The following WIPF1 variants were observed in gnomAD, a reference collection of about 807,000 sequenced individuals.
WIPF1 encodes the protein WAS/WASL interacting protein family member 1.
In WIPF1, 13 loss-of-function variants were observed where a neutral mutation model predicts 35.4. That is an observed-to-expected ratio of 0.37 (90% CI 0.24 to 0.58). WIPF1 has a LOEUF of 0.58. WIPF1 is among the 20% of genes least tolerant of loss of function. The pLI, the probability that WIPF1 is intolerant of heterozygous loss-of-function variation, is 0.74. For missense variants in WIPF1, 591 were observed against 667.0 expected, an observed-to-expected ratio of 0.89 and a Z score of 1.25; for synonymous variants, 267 against 266.3, an observed-to-expected ratio of 1.00 and a Z score of -0.02.
At chr2:174,601,389 C>T (rs540009661), upstream of WIPF1, among the ~76,000 whole-genome samples, 1 of 152,240 alleles carries the variant, frequency 6.6e-6, no homozygotes, top group South Asian at 2.1e-4. Flanking sequence ...CCTGGCAGTG[C>T]AGGCAGAGTC....
chr2:174,607,655 CTCTT>C (rs1686214293), intron 1 of WIPF1, among the ~76,000 whole-genome samples: 1 of 152,120 alleles, frequency 6.6e-6, no homozygotes, highest in South Asian at 2.1e-4. Flanking sequence ...CTCCCCCCAT[CTCTT>C]TGCCTTAGGG....
chr2:174,605,346 G>C (rs577084715), intron 1 of WIPF1, among the ~76,000 whole-genome samples: 9 of 152,180 alleles, frequency 5.9e-5, no homozygotes, highest in African/African-American at 2.2e-4. Context: ...GCTAAGGCAG[G>C]AGAATTGCTT....
At chr2:174,575,131 GCTATGACCAGCCTCCAAA>G (rs760444818) in intron 4 of WIPF1, 55 bp downstream of exon 4, 81 of 1,501,754 alleles carry the variant, frequency 5.4e-5, no homozygotes, top group Non-Finnish European at 6.5e-5. Flanking sequence ...AGCCTTAGAG[GCTATGACCAGCCTCCAAA>G]CTGCCAAACT....
chr2:174,667,899 C>G (rs1687926266), intron 1 of WIPF1, among the ~76,000 whole-genome samples: 1 of 152,210 alleles, frequency 6.6e-6, no homozygotes, highest in African/African-American at 2.4e-5. Flanking sequence ...TTCTCTCACC[C>G]CCAAAATGAC....
chr2:174,648,722 T>C (rs969513265), intron 1 of WIPF1, among the ~76,000 whole-genome samples: 2 of 152,096 alleles, frequency 1.3e-5, no homozygotes, highest in Admixed American at 1.3e-4. Context: ...GGAAAATAGG[T>C]TGTGACCAAG....
chr2:174,649,726 GC>G (rs1017465115), intron 1 of WIPF1, among the ~76,000 whole-genome samples: 1 of 152,116 alleles, frequency 6.6e-6, no homozygotes, highest in African/African-American at 2.4e-5. Flanking sequence ...GTTTTCCTGA[GC>G]CTCTCCTGTG....
In WIPF1 at chr2:174,622,365, T is replaced by C. The variant is rs945466065; in HGVS notation, c.-38-36754A>G. Among the ~76,000 whole-genome samples the C allele has an allele frequency of 2.6e-5, 4 of 152,240 alleles. No homozygotes were observed. Among genetic ancestry groups the C allele is most frequent in the African/African-American group, 7.2e-5 (3 of 41,458 alleles). ...TATTTAGTGTCATCCTAAGTAACTA[T>C]ATCCATGAAATCATGAATTTCATAT... On this transcript the variant is annotated intron_variant, in intron 1 of 8. Transcript: ENST00000272746. The surrounding 1 kb of genome is among the most constrained non-coding windows in gnomAD (Gnocchi z 5.1).
chr2:174,624,292 C>T (rs1016210797), intron 1 of WIPF1, among the ~76,000 whole-genome samples: 4 of 152,140 alleles, frequency 2.6e-5, no homozygotes, highest in Admixed American at 6.5e-5. Flanking sequence ...GAAGTCTTCC[C>T]GCAAAATTCA....
At chr2:174,678,756 A>G (rs543717610) in intron 1 of WIPF1, among the ~76,000 whole-genome samples, 1 of 152,390 alleles carries the variant, frequency 6.6e-6, no homozygotes, top group Admixed American at 6.5e-5. Context: ...TTATCTGTCC[A>G]GACAACCTCA....
intron 1 of WIPF1, among the ~76,000 whole-genome samples, chr2:174,629,433 G>A (rs930604008): frequency 1.3e-5 from 2 of 151,898 alleles, no homozygotes; most frequent in African/African-American, 4.8e-5. Context: ...CAGAGACAGG[G>A]CCAGGGAAGG....
chr2:174,602,281 A>G (rs1030433410), upstream of WIPF1, among the ~76,000 whole-genome samples: 2 of 152,212 alleles, frequency 1.3e-5, no homozygotes, highest in Non-Finnish European at 2.9e-5. Context: ...CAGTGTAGAA[A>G]AAGTGCTGAA....
At chr2:174,663,702 G>T (rs557464838) in intron 1 of WIPF1, among the ~76,000 whole-genome samples, 42 of 152,366 alleles carry the variant, frequency 2.8e-4, no homozygotes, top group African/African-American at 9.9e-4. Flanking sequence ...GAACACGCAT[G>T]CAGGTTTTTT....
Position 174,586,041 on chromosome 2 carries a change from C to T in WIPF1, c.-38-430G>A, listed in dbSNP as rs571815612. On this transcript the variant is annotated intron_variant, in intron 1 of 7. Coordinates refer to ENST00000679041, the MANE Select transcript of WIPF1 (RefSeq NM_001375834.1). ...TCCCACCCCCTCTGGCTTTCTCCTC[C>T]CATTCTTCCTGACATTCGCCAAGTC... is the stretch of plus-strand genomic sequence containing the variant. 4.1e-4 allele frequency among the ~76,000 whole-genome samples: 62 copies of T among 152,318 alleles called. No homozygotes were observed. In the South Asian group the frequency reaches 9.5e-3, roughly 23 times the overall value.
chr2:174,622,693 C>T lies in WIPF1; in HGVS notation c.-38-37082G>A, dbSNP rs1259660167. Among the ~76,000 whole-genome samples, 1 of 152,224 alleles carries T rather than the reference C, an allele frequency of 6.6e-6. No homozygotes were observed. The highest frequency in any genetic ancestry group is 1.5e-5 in the Non-Finnish European group (1 of 68,042). On this transcript the variant is annotated intron_variant, in intron 1 of 8. Transcript: ENST00000272746. This position sits in a 1 kb window ranked among gnomAD's most constrained non-coding sequence, Gnocchi z 5.1. ...TTGCATTTATTCTGGCTGATTAGCA[C>T]TTGTGTCTGCCCCGCGGTCAGAAAT... is the stretch of plus-strand genomic sequence containing the variant.
chr2:174,575,642 G>A (rs1685035051), intron 3 of WIPF1, among the ~76,000 whole-genome samples: 2 of 152,214 alleles, frequency 1.3e-5, no homozygotes. Flanking sequence ...TGCCACATGG[G>A]TCAGTATCTG....
chr2:174,616,392 A>G (rs1487174575), intron 1 of WIPF1, among the ~76,000 whole-genome samples: 1 of 151,744 alleles, frequency 6.6e-6, no homozygotes, highest in East Asian at 1.9e-4. Flanking sequence ...GGAGGCCTCG[A>G]CCCCTGCTGG....
intron 1 of WIPF1, among the ~76,000 whole-genome samples, chr2:174,653,741 CAAAAAAAAAAAAAAAA>C (rs1175251483): frequency 1.7e-5 from 1 of 57,842 alleles, no homozygotes; most frequent in South Asian, 5.9e-4. Context: ...GCCTCTGTCT[CAAAAAAAAAAAAAAAA>C]AAAAAGAAAC....
rs900342370 is a variant in WIPF1 at position 174,568,211 on chromosome 2, G to T, written c.1130-138C>A. The T allele has an allele frequency of 2.7e-6, 3 of 1,107,984 alleles. No individual in the cohort carries two copies. In the Admixed American group the frequency reaches 8.9e-5, roughly 33 times the overall value. 68.6% of individuals were successfully genotyped at this position (1,107,984 alleles called of 1,614,324 possible). A position where few individuals can be genotyped will look rare whatever the true frequency, so the allele number is the denominator to read the frequency against. Reference sequence around the variant, plus strand: ...GTGATTTTCTAGGATATTTGGCTGAGAAATGAGTAAACACACAGAAACACA... The same window carrying T: ...GTGATTTTCTAGGATATTTGGCTGATAAATGAGTAAACACACAGAAACACA... On this transcript the variant is annotated intron_variant, in intron 5 of 7. Coordinates refer to ENST00000679041, the MANE Select transcript of WIPF1 (RefSeq NM_001375834.1).
intron 1 of WIPF1, among the ~76,000 whole-genome samples, chr2:174,587,991 T>C (rs561100102): frequency 3.1e-4 from 47 of 152,314 alleles, no homozygotes; most frequent in Non-Finnish European, 4.1e-4. Flanking sequence ...TAGTCACCCA[T>C]AGGGCCACAT....
Sources: allele counts gnomAD v4.1 joint callset (sites outside exome capture counted in the v4.1 genomes callset), GRCh38; gene constraint gnomAD v4.1.1; non-coding constraint Gnocchi (gnomAD v3.1); transcripts MANE v1.5; gene names NCBI Gene and HGNC (gene_info 2026-07-23, HGNC 2026-07-21).